Variants in GMEB2 observed in about 807,000 individuals in gnomAD.
GMEB2 encodes the protein glucocorticoid modulatory element-binding protein 2.
A neutral mutation model predicts 45.7 loss-of-function variants in GMEB2; 7 were observed. The ratio of observed to expected loss-of-function variants is 0.15; its 90% CI spans 0.09 to 0.29. The LOEUF is 0.29. GMEB2 is among the 10% of genes least tolerant of loss of function. GMEB2 has a pLI of 1.00. For synonymous variants in GMEB2, 322 were observed against 323.6 expected, an observed-to-expected ratio of 1.00 and a Z score of 0.05; for missense variants, 582 against 739.2, an observed-to-expected ratio of 0.79 and a Z score of 2.47.
intron 2 of GMEB2, among the ~76,000 whole-genome samples, chr20:63,615,796 C>T (rs79241193): frequency 0.034 from 5,119 of 152,270 alleles, 125 homozygotes; most frequent in Non-Finnish European, 0.05. Context: ...GGTGTGGCGA[C>T]GCCCCATGCT....
At chr20:63,626,898 G>T (rs2089679084) in intron 1 of GMEB2, 58 bp downstream of exon 1, 7 of 147,026 alleles carry the variant, frequency 4.8e-5, no homozygotes, top group Admixed American at 4.1e-4. Flanking sequence ...ACGGCGGCGC[G>T]TGAGCGGAGC....
intron 2 of GMEB2, among the ~76,000 whole-genome samples, chr20:63,605,579 T>C (rs926304010): frequency 3.4e-5 from 5 of 148,288 alleles, no homozygotes; most frequent in South Asian, 2.1e-4. Flanking sequence ...TGAGCACTGA[T>C]GGGGACAAGC....
intron 4 of GMEB2, among the ~76,000 whole-genome samples, chr20:63,599,377 C>T (rs1030340908): frequency 3.3e-5 from 5 of 152,266 alleles, no homozygotes; most frequent in African/African-American, 1.2e-4. Context: ...CCTCACAGCA[C>T]AGCGCTTCCA....
intron 2 of GMEB2, among the ~76,000 whole-genome samples, chr20:63,610,358 A>G (rs957189701): frequency 2.0e-5 from 3 of 152,248 alleles, no homozygotes; most frequent in African/African-American, 7.2e-5. Flanking sequence ...CGTCTCTACT[A>G]AAAATACAAA....
chr20:63,614,017 G>A lies in GMEB2; in HGVS notation c.131+5250C>T, dbSNP rs967573717. Among the ~76,000 whole-genome samples the A allele has an allele frequency of 4.6e-5, 7 of 152,134 alleles. No individual in the cohort carries two copies. The East Asian group carries it at 9.7e-4, about 21-fold the overall frequency. On this transcript the variant is annotated intron_variant, in intron 2 of 9. Transcript: ENST00000370077. Reference sequence around the variant, plus strand: ...AGAGACCCCCTAGGATGTGAAGGCCGCCCTGCATTTGTCAGACTGGGCAAC... The same window carrying A: ...AGAGACCCCCTAGGATGTGAAGGCCACCCTGCATTTGTCAGACTGGGCAAC...
At chr20:63,623,380 A>G (rs114377792) in intron 1 of GMEB2, among the ~76,000 whole-genome samples, 1,674 of 152,298 alleles carry the variant, frequency 0.011, 45 homozygotes, top group African/African-American at 0.038. Context: ...GGAAAGTTAC[A>G]ATGATGAATT....
At chr20:63,625,709 T>G (rs2089666496) in intron 1 of GMEB2, among the ~76,000 whole-genome samples, 1 of 152,144 alleles carries the variant, frequency 6.6e-6, no homozygotes, top group African/African-American at 2.4e-5. Flanking sequence ...GCAATTCTCC[T>G]GCCTCAGCCT....
rs370420235 is a variant in GMEB2 at position 63,590,302 on chromosome 20, G to A, written c.1380C>T (p.Ala460=). The A allele has an allele frequency of 6.8e-6, 11 of 1,612,530 alleles. No homozygotes were observed. Among genetic ancestry groups the A allele is most frequent in the African/African-American group, 2.7e-5 (2 of 74,936 alleles). ...ACACCGTGCTACCGTCCTGCACGGC[G>A]GCCGTGCTCAGGACCGTGAGGCTGG... ...DASSLTVLST[A]AVQDGSTVFK... Residue 460 remains alanine, a synonymous_variant, in exon 10 of 10, where the codon GCC becomes GCT. Transcript: ENST00000370077.
At chr20:63,591,265 TAC>T (rs965765742) in intron 9 of GMEB2, among the ~76,000 whole-genome samples, 8 of 151,790 alleles carry the variant, frequency 5.3e-5, no homozygotes, top group Non-Finnish European at 8.8e-5. Flanking sequence ...ACACACTGAA[TAC>T]ACACACACTG....
intron 1 of GMEB2, among the ~76,000 whole-genome samples, chr20:63,621,775 T>A (rs974981456): frequency 6.6e-6 from 1 of 150,386 alleles, no homozygotes; most frequent in African/African-American, 2.5e-5. Context: ...ATAGAATGAC[T>A]CATTAGGATT....
At chr20:63,626,690 C>T (rs2089676465) in intron 1 of GMEB2, among the ~76,000 whole-genome samples, 2 of 151,164 alleles carry the variant, frequency 1.3e-5, no homozygotes, top group Non-Finnish European at 3.0e-5. Flanking sequence ...CCGAGGAGGC[C>T]GCTGGAGGCC....
At chr20:63,624,428 CA>C (rs144793643) in intron 1 of GMEB2, among the ~76,000 whole-genome samples, 33 of 141,748 alleles carry the variant, frequency 2.3e-4, no homozygotes, top group African/African-American at 4.5e-4. Flanking sequence ...GACTCTGTCT[CA>C]AAAAAAAAAA....
Position 63,619,220 on chromosome 20 carries a change from C to A in GMEB2, c.131+47G>T. On this transcript the variant is annotated intron_variant, in intron 2 of 9. Coordinates refer to ENST00000370077, the MANE Select transcript of GMEB2 (RefSeq NM_012384.5). The surrounding 1 kb of genome is among the most constrained non-coding windows in gnomAD (Gnocchi z 4.6). ...AATGCCAGCTGTGCCAAGGACAGCCCAACCCAAGCCCCCATCAGCCCCAAT... is the reference window on the plus strand; with the variant it reads ...AATGCCAGCTGTGCCAAGGACAGCCAAACCCAAGCCCCCATCAGCCCCAAT... 6.6e-7 allele frequency: 1 copy of A among 1,520,366 alleles called. No individual in the cohort carries two copies. Among genetic ancestry groups the A allele is most frequent in the South Asian group, 1.3e-5 (1 of 78,872 alleles). The allele number at this position is 1,520,366 out of a possible 1,614,324, so 94.2% of individuals were successfully genotyped here.
chr20:63,617,743 G>A (rs940265998), intron 2 of GMEB2, among the ~76,000 whole-genome samples: 2 of 151,244 alleles, frequency 1.3e-5, no homozygotes, highest in Non-Finnish European at 3.0e-5. Context: ...GAGATGACTC[G>A]GACACCACCC....
rs2083173075 is a variant in GMEB2, at chr20:63,593,906, G to C, written c.620-824C>G. On this transcript the variant is annotated intron_variant, in intron 6 of 9. Coordinates refer to ENST00000370077, the MANE Select transcript of GMEB2 (RefSeq NM_012384.5). This position sits in a 1 kb window ranked among gnomAD's most constrained non-coding sequence, Gnocchi z 4.7. ...GTGGCGGCGTGCGCCTGTAATCCCAGCTACTCGGGAGGCTGAGGCAGGAGA... is the reference window on the plus strand; with the variant it reads ...GTGGCGGCGTGCGCCTGTAATCCCACCTACTCGGGAGGCTGAGGCAGGAGA... 1.3e-5 allele frequency among the ~76,000 whole-genome samples: 2 copies of C among 152,352 alleles called. No individual in the cohort carries two copies. The highest frequency in any genetic ancestry group is 4.1e-4 in the South Asian group (2 of 4,832).
In GMEB2 at chr20:63,589,352, G is replaced by A. The variant is rs943150648; in HGVS notation, c.*737C>T. 4 of 397,846 alleles carry A rather than the reference G, an allele frequency of 1.0e-5. No individual in the cohort carries two copies. Among genetic ancestry groups the A allele is most frequent in the Non-Finnish European group, 1.8e-5 (4 of 225,878 alleles). The allele number at this position is 397,846 out of a possible 1,614,324, so 24.6% of individuals were successfully genotyped here. On this transcript the variant is annotated 3_prime_UTR_variant, in exon 10 of 10. Transcript: ENST00000370077. ...TTTTGGTTGAAAATGCTATAAATCT[G>A]ACTCTTCCTAGAAGCCTACTAAGCA...
chr20:63,615,513 G>A (rs563028419), intron 2 of GMEB2, among the ~76,000 whole-genome samples: 1 of 151,924 alleles, frequency 6.6e-6, no homozygotes, highest in African/African-American at 2.4e-5. Context: ...TTTTTGTAGA[G>A]ACGAGGTTTC....
At position 63,609,408 on chromosome 20, in the gene GMEB2, CCT is replaced by C. The variant is rs1307359450; in HGVS notation, c.132-4570_132-4569del. Among the ~76,000 whole-genome samples the C allele has an allele frequency of 7.8e-4, 110 of 140,420 alleles. 1 individual carries two copies. The highest frequency in any genetic ancestry group is 1.3e-3 in the Non-Finnish European group (81 of 63,648). 92.1% of individuals were successfully genotyped at this position (140,420 alleles called of 152,430 possible). A position where few individuals can be genotyped will look rare whatever the true frequency, so the allele number is the denominator to read the frequency against. On this transcript the variant is annotated intron_variant, in intron 2 of 9. Coordinates refer to ENST00000370077, the MANE Select transcript of GMEB2 (RefSeq NM_012384.5). ...TCACCTCCATTTCTAGAAACATGCCCCTCTGACCCCACCTCCATTTCTAGAAA... is the reference window on the plus strand; with the variant it reads ...TCACCTCCATTTCTAGAAACATGCCCCTGACCCCACCTCCATTTCTAGAAA...
chr20:63,617,275 C>T (rs995095730), intron 2 of GMEB2, among the ~76,000 whole-genome samples: 6 of 152,104 alleles, frequency 3.9e-5, no homozygotes, highest in African/African-American at 1.4e-4. Flanking sequence ...CGCGCCTGGC[C>T]GACCGTGACC....
Sources: allele counts gnomAD v4.1 joint callset (sites outside exome capture counted in the v4.1 genomes callset), GRCh38; gene constraint gnomAD v4.1.1; non-coding constraint Gnocchi (gnomAD v3.1); transcripts MANE v1.5; gene names NCBI Gene and HGNC (gene_info 2026-07-23, HGNC 2026-07-21).